The following GLIPR1L2 variants were observed in gnomAD, a reference collection of about 807,000 sequenced individuals.
GLIPR1L2 encodes GLIPR1 like 2.
Under a neutral mutation model 28.4 loss-of-function variants are expected in GLIPR1L2, and 21 were observed. That is an observed-to-expected ratio of 0.74 (90% CI 0.52 to 1.06). The LOEUF is 1.06. Ranked by LOEUF, GLIPR1L2 falls within the 50% of genes least tolerant of loss-of-function variation. The pLI, the probability that GLIPR1L2 is intolerant of heterozygous loss-of-function variation, is 0.00. For synonymous variants in GLIPR1L2, 145 were observed against 139.3 expected (o/e 1.04, Z -0.29); for missense variants, 476 against 416.9 (o/e 1.14, Z -1.23).
At chr12:75,391,426 G>T (rs998058998) in intron 1 of GLIPR1L2, 76 bp downstream of exon 1, 2 of 1,601,186 alleles carry the variant, frequency 1.2e-6, no homozygotes, top group African/African-American at 2.7e-5. Flanking sequence ...GGTAGTTGGG[G>T]CCACTGCTCT....
chr12:75,423,127 G>A (rs1432636920), intron 4 of GLIPR1L2, 138 bp downstream of exon 4: 1 of 1,546,416 alleles, frequency 6.5e-7, no homozygotes, highest in East Asian at 2.3e-5. Flanking sequence ...ATCAAAGGAT[G>A]GTTGACACAG....
chr12:75,398,328 C>CAAAAAAAA lies in GLIPR1L2; in HGVS notation c.234+6994_234+7001dup, dbSNP rs71078729. Among the ~76,000 whole-genome samples, 73 of 87,886 alleles carry CAAAAAAAA rather than the reference C, an allele frequency of 8.3e-4. 1 individual carries two copies. The highest frequency in any genetic ancestry group is 1.8e-3 in the African/African-American group (37 of 20,776). 57.7% of individuals were successfully genotyped at this position (87,886 alleles called of 152,430 possible). A position where few individuals can be genotyped will look rare whatever the true frequency, so the allele number is the denominator to read the frequency against. On this transcript the variant is annotated intron_variant, in intron 1 of 5. Coordinates refer to ENST00000550916, the MANE Select transcript of GLIPR1L2 (RefSeq NM_001270396.2). The stretch of plus-strand genomic sequence containing the variant: ...TGGGCGATAGAATGAGACTCCATCT[C>CAAAAAAAA]AAAAAAAAAAAAAAAAAAAAAAACT...
Position 75,391,309 on chromosome 12 carries a change from C to A in GLIPR1L2, c.193C>A (p.Arg65=). 1 of 1,614,128 alleles carries A rather than the reference C, an allele frequency of 6.2e-7. No homozygotes were observed. Among genetic ancestry groups the A allele is most frequent in the Non-Finnish European group, 8.5e-7 (1 of 1,179,994 alleles). The change falls in exon 1 of 6, where the codon CGG becomes AGG. Residue 65 remains arginine, a synonymous_variant. Coordinates refer to ENST00000550916, the MANE Select transcript of GLIPR1L2 (RefSeq NM_001270396.2). The part of the protein sequence containing the change: ...NEYVNLHNEL[R]GDVIPRGSNL... ...GTACGTGAACCTCCACAATGAGCTGCGGGGCGACGTCATTCCCCGAGGGTC... is the reference window on the plus strand; with the variant it reads ...GTACGTGAACCTCCACAATGAGCTGAGGGGCGACGTCATTCCCCGAGGGTC...
rs1182596668 is a variant in GLIPR1L2 at position 75,400,496 on chromosome 12, AT to A, written c.234+9147del. ...CAAGGTACATTATGATACGTTTTGTATACGAAAATTTAAAATAATGTATATT... is the reference window on the plus strand; with the variant it reads ...CAAGGTACATTATGATACGTTTTGTAACGAAAATTTAAAATAATGTATATT... On this transcript the variant is annotated intron_variant, in intron 1 of 5. Transcript: ENST00000550916. 2.0e-5 allele frequency among the ~76,000 whole-genome samples: 3 copies of A among 152,216 alleles called. No homozygotes were observed. The East Asian group carries it at 5.8e-4, about 29-fold the overall frequency.
chr12:75,399,577 T>C (rs1193326981), intron 1 of GLIPR1L2, among the ~76,000 whole-genome samples: 1 of 152,228 alleles, frequency 6.6e-6, no homozygotes, highest in Non-Finnish European at 1.5e-5. Flanking sequence ...CCTTTAATGA[T>C]TATTTTTCTA....
chr12:75,428,654 C>T (rs796332409), intron 4 of GLIPR1L2, among the ~76,000 whole-genome samples: 1 of 152,186 alleles, frequency 6.6e-6, no homozygotes, highest in African/African-American at 2.4e-5. Context: ...TTCATGGCAG[C>T]CCCTCCCATC....
At chr12:75,419,236 C>T (rs1047526934) in intron 3 of GLIPR1L2, among the ~76,000 whole-genome samples, 2 of 151,976 alleles carry the variant, frequency 1.3e-5, no homozygotes, top group African/African-American at 4.8e-5. Flanking sequence ...AGACATGACA[C>T]CTCAGTGAAA....
At chr12:75,417,175 A>G (rs2045931423) in intron 3 of GLIPR1L2, among the ~76,000 whole-genome samples, 1 of 152,040 alleles carries the variant, frequency 6.6e-6, no homozygotes, top group African/African-American at 2.4e-5. Flanking sequence ...CTTATTCTAG[A>G]TTATTTGGGT....
intron 1 of GLIPR1L2, among the ~76,000 whole-genome samples, chr12:75,401,021 A>G (rs2045735299): frequency 6.6e-6 from 1 of 152,014 alleles, no homozygotes; most frequent in South Asian, 2.1e-4. Flanking sequence ...GATTATCATA[A>G]TGATTTGATG....
intron 1 of GLIPR1L2, among the ~76,000 whole-genome samples, chr12:75,393,169 T>C (rs1358420129): frequency 6.6e-6 from 1 of 152,146 alleles, no homozygotes; most frequent in Non-Finnish European, 1.5e-5. Flanking sequence ...TATTGCCGTG[T>C]AGTACTTTTG....
chr12:75,413,822 G>T (rs1375622864), intron 3 of GLIPR1L2, 121 bp downstream of exon 3: 2 of 473,562 alleles, frequency 4.2e-6, no homozygotes, highest in African/African-American at 2.0e-5. Context: ...ACTTTACATT[G>T]AAATATTTTC....
intron 1 of GLIPR1L2, chr12:75,403,083 A>T (rs985067438): frequency 1.1e-5 from 5 of 456,884 alleles, no homozygotes; most frequent in African/African-American, 4.0e-5. Flanking sequence ...CTCACCCAGG[A>T]CTCCAAGTGC....
In GLIPR1L2 at chr12:75,413,068, C is replaced by T. The variant is rs1025648988; in HGVS notation, c.481-530C>T. Among the ~76,000 whole-genome samples, 13 of 150,728 alleles carry T rather than the reference C, an allele frequency of 8.6e-5. No homozygotes were observed. The East Asian group carries it at 2.2e-3, about 25-fold the overall frequency. ...TAGGGACATGGATGAAACTGGAAACCATGATTCTCAGCAAACTATCGCAAG... is the reference window on the plus strand; with the variant it reads ...TAGGGACATGGATGAAACTGGAAACTATGATTCTCAGCAAACTATCGCAAG... On this transcript the variant is annotated intron_variant, in intron 2 of 5. Coordinates refer to ENST00000550916, the MANE Select transcript of GLIPR1L2 (RefSeq NM_001270396.2).
chr12:75,409,674 A>T (rs1183634837), intron 1 of GLIPR1L2, among the ~76,000 whole-genome samples: 5 of 146,950 alleles, frequency 3.4e-5, no homozygotes, highest in Non-Finnish European at 6.0e-5. Context: ...GTAATCTGAT[A>T]TATATATAAG....
At chr12:75,423,302 A>G (rs927296184) in intron 4 of GLIPR1L2, 12 of 1,169,034 alleles carry the variant, frequency 1.0e-5, no homozygotes, top group Non-Finnish European at 1.3e-5. Context: ...CTGTTTGATA[A>G]TAACTGCTTT....
At chr12:75,420,192 G>A (rs1369339083) in intron 3 of GLIPR1L2, among the ~76,000 whole-genome samples, 10 of 152,198 alleles carry the variant, frequency 6.6e-5, no homozygotes, top group Admixed American at 6.5e-4. Flanking sequence ...TACAGACTAT[G>A]TGAGTCTGGA....
rs1200438204 is a variant in GLIPR1L2 at position 75,431,732 on chromosome 12, A to G, written c.*571A>G. The stretch of plus-strand genomic sequence containing the variant: ...CATCCTGCTAGGATGCAAACTTATT[A>G]TTTATAATTAATGTTCAATATTTCA... On this transcript the variant is annotated 3_prime_UTR_variant, in exon 6 of 6. Coordinates refer to ENST00000550916, the MANE Select transcript of GLIPR1L2 (RefSeq NM_001270396.2). 6.6e-6 allele frequency: 1 copy of G among 152,062 alleles called. No individual in the cohort carries two copies. The highest frequency in any genetic ancestry group is 1.5e-5 in the Non-Finnish European group (1 of 67,960). 9.4% of individuals were successfully genotyped at this position (152,062 alleles called of 1,614,324 possible). A position where few individuals can be genotyped will look rare whatever the true frequency, so the allele number is the denominator to read the frequency against.
intron 3 of GLIPR1L2, among the ~76,000 whole-genome samples, chr12:75,421,821 C>T (rs2045979100): frequency 6.6e-6 from 1 of 151,842 alleles, no homozygotes. Flanking sequence ...TATATATACC[C>T]CCAAAATAAT....
chr12:75,408,404 TG>T (rs1162236091), intron 1 of GLIPR1L2, among the ~76,000 whole-genome samples: 1 of 149,956 alleles, frequency 6.7e-6, no homozygotes, highest in Non-Finnish European at 1.5e-5. Flanking sequence ...AACCTCTTTG[TG>T]TTTTAGTTAC....
Sources: gnomAD v4.1 joint callset for allele counts (sites outside exome capture counted in the v4.1 genomes callset) on GRCh38, gnomAD v4.1.1 for gene constraint, MANE v1.5 for transcripts, NCBI Gene and HGNC (gene_info 2026-07-23, HGNC 2026-07-21) for gene names.